The following RYR2 variants were observed in gnomAD, a reference collection of about 807,000 sequenced individuals.
RYR2 encodes the protein cardiac muscle ryanodine receptor-calcium release channel.
Under a neutral mutation model 601.1 loss-of-function variants are expected in RYR2, and 227 were observed. The observed-to-expected ratio is 0.38, with a 90% CI of 0.34 to 0.42. The LOEUF (loss-of-function observed/expected upper bound fraction) is 0.42. Ranked by LOEUF, RYR2 falls within the 10% of genes least tolerant of loss-of-function variation. The pLI, the probability that RYR2 is intolerant of heterozygous loss-of-function variation, is 1.00. For synonymous variants in RYR2, 2,223 were observed against 2,175.1 expected, an observed-to-expected ratio of 1.02 and a Z score of -0.61; for missense variants, 4,646 against 6,156.5, an observed-to-expected ratio of 0.75 and a Z score of 8.21.
Position 237,643,443 on chromosome 1 carries a change from CA to C in RYR2, c.7341del (p.Asp2448MetfsTer55), listed in dbSNP as rs1439906487. The stretch of plus-strand genomic sequence containing the variant: ...TCGCTTTTCAGATGCCAACAATAGC[CA>C]AAGGTAAGGCCAACTTCAATTTGTC... ...SIAFQMPTIA[K>X]DGNVVEPDMS... On this transcript the variant is annotated frameshift_variant, in exon 48 of 105. Transcript: ENST00000366574. LOFTEE classifies it high-confidence loss of function. 1 of 1,613,798 alleles carries C rather than the reference CA, an allele frequency of 6.2e-7. No individual in the cohort carries two copies. The highest frequency in any genetic ancestry group is 8.5e-7 in the Non-Finnish European group (1 of 1,179,820).
At chr1:237,335,770 A>G (rs1053444453) in intron 3 of RYR2, among the ~76,000 whole-genome samples, 1 of 152,206 alleles carries the variant, frequency 6.6e-6, no homozygotes, top group African/African-American at 2.4e-5. Flanking sequence ...ATTAACATTT[A>G]TAATTCAGGT....
In RYR2 at chr1:237,340,233, C is replaced by CAAGA. The variant is rs1218699779; in HGVS notation, c.273+9254_273+9257dup. ...CTCTGTGCTCAGGTGTCTCCATGACCAAGAAATAGAAAGCGCATGTCCATT... is the reference window on the plus strand; with the variant it reads ...CTCTGTGCTCAGGTGTCTCCATGACCAAGAAAGAAATAGAAAGCGCATGTCCATT... On this transcript the variant is annotated intron_variant, in intron 3 of 104. Transcript: ENST00000366574. Among the ~76,000 whole-genome samples, 5 of 152,128 alleles carry CAAGA rather than the reference C, an allele frequency of 3.3e-5. No individual in the cohort carries two copies. The East Asian group carries it at 7.7e-4, about 23-fold the overall frequency.
chr1:237,671,680 G>A (rs976551278), intron 58 of RYR2, among the ~76,000 whole-genome samples: 4 of 151,866 alleles, frequency 2.6e-5, no homozygotes, highest in Non-Finnish European at 5.9e-5. Context: ...TCTGCTTTAG[G>A]GAAATCAGGA....
intron 1 of RYR2, among the ~76,000 whole-genome samples, chr1:237,241,349 TGGGCAA>T (rs1686140808): frequency 6.6e-6 from 1 of 152,222 alleles, no homozygotes; most frequent in Non-Finnish European, 1.5e-5. Context: ...TGGAAGCCAA[TGGGCAA>T]CAGTTTGGCA....
intron 57 of RYR2, among the ~76,000 whole-genome samples, chr1:237,667,314 G>T (rs1172718823): frequency 6.6e-6 from 1 of 152,126 alleles, no homozygotes; most frequent in Non-Finnish European, 1.5e-5. Flanking sequence ...AAATTGTTTG[G>T]TTTGCCATTT....
At chr1:237,538,394 C>G (rs1366822814) in intron 25 of RYR2, among the ~76,000 whole-genome samples, 20 of 32,870 alleles carry the variant, frequency 6.1e-4, no homozygotes, top group Non-Finnish European at 7.8e-4. Context: ...GACTCTGTCT[C>G]AAAAAAAAAA....
chr1:237,494,933 GGT>G (rs1464565720), intron 19 of RYR2, among the ~76,000 whole-genome samples: 49 of 152,054 alleles, frequency 3.2e-4, no homozygotes, highest in Non-Finnish European at 5.9e-4. Flanking sequence ...TGGGATTACA[GGT>G]GCACACCACC....
At chr1:237,306,971 C>T (rs1434529319) in intron 2 of RYR2, among the ~76,000 whole-genome samples, 1 of 152,092 alleles carries the variant, frequency 6.6e-6, no homozygotes, top group African/African-American at 2.4e-5. Flanking sequence ...TTAACTCTTA[C>T]GGGTACGTAC....
At chr1:237,311,744 G>T (rs576172106) in intron 2 of RYR2, among the ~76,000 whole-genome samples, 2 of 152,040 alleles carry the variant, frequency 1.3e-5, no homozygotes, top group Non-Finnish European at 2.9e-5. Flanking sequence ...TTCCCAAAGT[G>T]TTGGGATTAC....
chr1:237,425,293 A>G (rs1706036122), intron 12 of RYR2, among the ~76,000 whole-genome samples: 1 of 151,934 alleles, frequency 6.6e-6, no homozygotes, highest in Admixed American at 6.6e-5. Context: ...ACCTTGCAAC[A>G]TGGGGATATA....
At chr1:237,492,912 G>A in intron 18 of RYR2, 42 bp from the exon 19 acceptor site, 1 of 1,535,788 alleles carries the variant, frequency 6.5e-7, no homozygotes, top group Non-Finnish European at 8.8e-7. Context: ...AGGGAAAGCA[G>A]GGAGGGAGGG....
intron 49 of RYR2, among the ~76,000 whole-genome samples, chr1:237,649,005 T>G (rs1682452115): frequency 6.6e-6 from 1 of 152,234 alleles, no homozygotes; most frequent in Non-Finnish European, 1.5e-5. Flanking sequence ...AGAATTAAGA[T>G]GATTTAATGG....
intron 24 of RYR2, among the ~76,000 whole-genome samples, chr1:237,528,671 G>A (rs894820627): frequency 8.5e-5 from 13 of 152,130 alleles, no homozygotes; most frequent in African/African-American, 3.1e-4. Context: ...CTCTCTCTCA[G>A]AAGCCCTTAA....
At position 237,042,379 on chromosome 1, in the gene RYR2, C is replaced by A; in HGVS notation, c.-143C>A. 1 of 795,958 alleles carries A rather than the reference C, an allele frequency of 1.3e-6. No homozygotes were observed. Among genetic ancestry groups the A allele is most frequent in the Non-Finnish European group, 1.6e-6 (1 of 610,484 alleles). The allele number at this position is 795,958 out of a possible 1,614,324, so 49.3% of individuals were successfully genotyped here. Reference sequence around the variant, plus strand: ...CCTCCTCCGCTCTGCAGGCGGGGACCGCCCGGCGCTCGGCACCCGGCAGCG... The same window carrying A: ...CCTCCTCCGCTCTGCAGGCGGGGACAGCCCGGCGCTCGGCACCCGGCAGCG... On this transcript the variant is annotated 5_prime_UTR_variant, in exon 1 of 105. Transcript: ENST00000366574.
At chr1:237,312,628 T>C (rs1694690372) in intron 2 of RYR2, among the ~76,000 whole-genome samples, 1 of 152,184 alleles carries the variant, frequency 6.6e-6, no homozygotes, top group Non-Finnish European at 1.5e-5. Flanking sequence ...TCACTGAAAA[T>C]GATGTAAACA....
At chr1:237,832,475 A>T in intron 104 of RYR2, 77 bp from the exon 105 acceptor site, 1 of 887,972 alleles carries the variant, frequency 1.1e-6, no homozygotes, top group South Asian at 1.6e-5. Flanking sequence ...TATAGGTAAC[A>T]GAATTGAGTT....
In RYR2 at chr1:237,456,597, C is replaced by A; in HGVS notation, c.1477-3C>A. 1 of 1,483,920 alleles carries A rather than the reference C, an allele frequency of 6.7e-7. No homozygotes were observed. Among genetic ancestry groups the A allele is most frequent in the East Asian group, 2.5e-5 (1 of 40,764 alleles). 91.9% of individuals were successfully genotyped at this position (1,483,920 alleles called of 1,614,324 possible). Reference sequence around the variant, plus strand: ...GTGATTTTTTTTTTTTTTAACGTTCCAGGGAATGATCAACCTCGTGCTTGA... The same window carrying A: ...GTGATTTTTTTTTTTTTTAACGTTCAAGGGAATGATCAACCTCGTGCTTGA... On this transcript the variant is annotated splice_region_variant and splice_polypyrimidine_tract_variant and intron_variant, in intron 15 of 104. Transcript: ENST00000366574.
rs116256578 is a variant in RYR2, at chr1:237,121,796, T to C, written c.48+79227T>C. 3.3e-3 allele frequency among the ~76,000 whole-genome samples: 500 copies of C among 152,310 alleles called. 4 individuals are homozygous for C. Among genetic ancestry groups the C allele is most frequent in the African/African-American group, 0.011 (467 of 41,562 alleles). ...TGACCTCGTGGGTTTGTAAATAGCA[T>C]CACTATGCTAGAAGCATTAGTGGAA... is the stretch of plus-strand genomic sequence containing the variant. On this transcript the variant is annotated intron_variant, in intron 1 of 104. Coordinates refer to ENST00000366574, the MANE Select transcript of RYR2 (RefSeq NM_001035.3).
In RYR2 at chr1:237,232,454, G is replaced by A. The variant is rs376621069; in HGVS notation, c.49-38043G>A. 8.5e-5 allele frequency among the ~76,000 whole-genome samples: 13 copies of A among 152,224 alleles called. No individual in the cohort carries two copies. The East Asian group carries it at 1.4e-3, about 16-fold the overall frequency. Reference sequence around the variant, plus strand: ...AGGGTGACATACCTGAGTATCAGATGGTACCTCCTTGTACCTTCCCTCATA... The same window carrying A: ...AGGGTGACATACCTGAGTATCAGATAGTACCTCCTTGTACCTTCCCTCATA... On this transcript the variant is annotated intron_variant, in intron 1 of 104. Coordinates refer to ENST00000366574, the MANE Select transcript of RYR2 (RefSeq NM_001035.3).
Sources: allele counts gnomAD v4.1 joint callset (sites outside exome capture counted in the v4.1 genomes callset), GRCh38; gene constraint gnomAD v4.1.1; transcripts MANE v1.5; gene names NCBI Gene and HGNC (gene_info 2026-07-23, HGNC 2026-07-21).